The following CTNNA3 variants were observed in gnomAD, a reference collection of about 807,000 sequenced individuals.
CTNNA3 encodes the protein catenin alpha-3.
Under a neutral mutation model 95.7 loss-of-function variants are expected in CTNNA3, and 76 were observed. The observed-to-expected ratio is 0.79, with a 90% CI of 0.66 to 0.96. The LOEUF is 0.96. Ranked by LOEUF, CTNNA3 falls within the 40% of genes least tolerant of loss-of-function variation. CTNNA3 has a pLI of 0.00. For missense variants in CTNNA3, 1,191 were observed against 1,089.8 expected, an observed-to-expected ratio of 1.09 and a Z score of -1.31; for synonymous variants, 431 against 374.4, an observed-to-expected ratio of 1.15 and a Z score of -1.74.
chr10:66,580,901 C>T (rs759930175), intron 10 of CTNNA3, among the ~76,000 whole-genome samples: 2 of 151,558 alleles, frequency 1.3e-5, no homozygotes, highest in Non-Finnish European at 3.0e-5. Flanking sequence ...CATTTTTACC[C>T]CCTCACCCCT....
chr10:66,893,724 A>G (rs1845363685), intron 7 of CTNNA3, among the ~76,000 whole-genome samples: 1 of 152,140 alleles, frequency 6.6e-6, no homozygotes, highest in East Asian at 1.9e-4. Flanking sequence ...TCAATGCAAG[A>G]TGAATCTTTT....
intron 7 of CTNNA3, among the ~76,000 whole-genome samples, chr10:67,082,652 T>C (rs577287481): frequency 6.6e-6 from 1 of 152,282 alleles, no homozygotes; most frequent in South Asian, 2.1e-4. Context: ...GTGCAGGAAT[T>C]AGATAGGAAT....
chr10:67,557,277 A>T (rs1239855445), intron 3 of CTNNA3, among the ~76,000 whole-genome samples: 1 of 152,240 alleles, frequency 6.6e-6, no homozygotes, highest in East Asian at 1.9e-4. Context: ...AACAGTTTCC[A>T]ACAGAGTAAG....
chr10:66,084,849 T>C (rs2080919939), intron 14 of CTNNA3: 1 of 152,152 alleles, frequency 6.6e-6, no homozygotes, highest in South Asian at 2.1e-4. Flanking sequence ...TATATATTTA[T>C]TTGTGTATTT....
chr10:67,046,778 A>C (rs1854777805), intron 7 of CTNNA3, among the ~76,000 whole-genome samples: 4 of 152,188 alleles, frequency 2.6e-5, no homozygotes, highest in Admixed American at 2.6e-4. Flanking sequence ...GCAGGGACTC[A>C]GAGCCTGGCA....
At chr10:66,651,673 G>A (rs890159317) in intron 9 of CTNNA3, among the ~76,000 whole-genome samples, 12 of 149,748 alleles carry the variant, frequency 8.0e-5, no homozygotes, top group African/African-American at 3.0e-4. Flanking sequence ...CACTGCTGGG[G>A]GACCCAGCGC....
intron 3 of CTNNA3, among the ~76,000 whole-genome samples, chr10:67,588,774 A>G (rs1274333795): frequency 1.3e-5 from 2 of 152,060 alleles, no homozygotes; most frequent in Admixed American, 1.3e-4. Context: ...TTTACTAGGA[A>G]TCTAAAAATG....
chr10:66,645,405 T>A (rs1033863355), intron 9 of CTNNA3, among the ~76,000 whole-genome samples: 3 of 152,318 alleles, frequency 2.0e-5, no homozygotes, highest in Middle Eastern at 3.4e-3. Flanking sequence ...GAGACTTCGT[T>A]CGGAACTCAT....
chr10:67,435,959 G>A (rs529275389), intron 5 of CTNNA3, among the ~76,000 whole-genome samples: 371 of 151,954 alleles, frequency 2.4e-3, no homozygotes, highest in Non-Finnish European at 3.8e-3. Flanking sequence ...TCTTCACAGA[G>A]TTAGAAAAAA....
chr10:67,260,501 T>A (rs1399229569), intron 5 of CTNNA3, among the ~76,000 whole-genome samples: 1 of 152,046 alleles, frequency 6.6e-6, no homozygotes, highest in East Asian at 1.9e-4. Flanking sequence ...GCCCAGGAAG[T>A]CTCCTCACTC....
chr10:66,601,545 G>A (rs1843922978), intron 10 of CTNNA3, among the ~76,000 whole-genome samples: 5 of 151,832 alleles, frequency 3.3e-5, no homozygotes, highest in Admixed American at 3.3e-4. Context: ...TCTCAATGTA[G>A]TTCTGTTTCA....
chr10:67,722,341 T>C (rs1841184132), intron 1 of CTNNA3, among the ~76,000 whole-genome samples: 3 of 152,186 alleles, frequency 2.0e-5, no homozygotes, highest in Non-Finnish European at 2.9e-5. Context: ...CCAGCTCTAG[T>C]TTTTGTTCCC....
chr10:67,402,123 A>T (rs1844945672), intron 5 of CTNNA3, among the ~76,000 whole-genome samples: 1 of 152,230 alleles, frequency 6.6e-6, no homozygotes, highest in Non-Finnish European at 1.5e-5. Flanking sequence ...ATAGAATTCA[A>T]AATATGGATG....
At chr10:66,777,762 T>TACACACACACACACAC (rs372712619) in intron 7 of CTNNA3, among the ~76,000 whole-genome samples, 1 of 136,870 alleles carries the variant, frequency 7.3e-6, no homozygotes, top group Admixed American at 7.3e-5. Context: ...AGAGACCTCC[T>TACACACACACACACAC]ACACACACAC....
chr10:66,816,297 T>C (rs944238011), intron 7 of CTNNA3, among the ~76,000 whole-genome samples: 1 of 152,020 alleles, frequency 6.6e-6, no homozygotes, highest in Non-Finnish European at 1.5e-5. Flanking sequence ...ATGTAAGACA[T>C]AGAAAACAAA....
chr10:66,098,580 G>T (rs575900124), intron 14 of CTNNA3: 1 of 152,210 alleles, frequency 6.6e-6, no homozygotes, highest in South Asian at 2.1e-4. Context: ...AAGCTTTTAG[G>T]ACTTACAAAC....
chr10:66,337,578 A>C (rs2092410810), intron 12 of CTNNA3, among the ~76,000 whole-genome samples: 1 of 152,098 alleles, frequency 6.6e-6, no homozygotes, highest in Non-Finnish European at 1.5e-5. Flanking sequence ...CAAACTTCAG[A>C]TTCTTAATCA....
intron 7 of CTNNA3, among the ~76,000 whole-genome samples, chr10:66,885,726 TAAG>T (rs908716132): frequency 1.3e-5 from 2 of 151,984 alleles, no homozygotes; most frequent in Non-Finnish European, 2.9e-5. Flanking sequence ...TTAAAAATCA[TAAG>T]AAAGATGAAA....
chr10:66,051,666 T>A (rs1209747269), intron 15 of CTNNA3, among the ~76,000 whole-genome samples: 1 of 152,208 alleles, frequency 6.6e-6, no homozygotes, highest in Non-Finnish European at 1.5e-5. Context: ...ATACTTTTAA[T>A]GTTCAAAGGA....
Sources: allele counts gnomAD v4.1 joint callset (sites outside exome capture counted in the v4.1 genomes callset), GRCh38; gene constraint gnomAD v4.1.1; transcripts MANE v1.5; gene names NCBI Gene and HGNC (gene_info 2026-07-23, HGNC 2026-07-21).